FBN1: variants seen among roughly 807,000 people sequenced by gnomAD.
FBN1 encodes fibrillin 1, also known as fibrillin-1.
Under a neutral mutation model 365.1 loss-of-function variants are expected in FBN1, and 29 were observed. The observed-to-expected ratio is 0.08, with a 90% CI of 0.06 to 0.11. FBN1 has a LOEUF of 0.11. Among genes scored for constraint, FBN1 ranks in the 10% least tolerant of loss-of-function variants. FBN1 has a pLI of 1.00. For synonymous variants in FBN1, 1,210 were observed against 1,270.5 expected, an observed-to-expected ratio of 0.95 and a Z score of 1.01; for missense variants, 2,476 against 3,703.2, an observed-to-expected ratio of 0.67 and a Z score of 8.60.
chr15:48,644,815 G>C lies in FBN1; in HGVS notation c.-46C>G. ...TCCCGCCGCCTCTTGCCGCGCCCGG[G>C]GCTCGGTCTGCGGCCGCCGCTGCGC... On this transcript the variant is annotated 5_prime_UTR_variant, in exon 2 of 66. Coordinates refer to ENST00000316623, the MANE Select transcript of FBN1 (RefSeq NM_000138.5). 3 of 1,578,974 alleles carry C rather than the reference G, an allele frequency of 1.9e-6. No homozygotes were observed. Among genetic ancestry groups the C allele is most frequent in the Non-Finnish European group, 1.7e-6 (2 of 1,167,380 alleles).
intron 6 of FBN1, among the ~76,000 whole-genome samples, chr15:48,559,735 G>C (rs545033463): frequency 2.0e-5 from 3 of 152,188 alleles, no homozygotes; most frequent in Non-Finnish European, 4.4e-5. Flanking sequence ...GGTTGAAAGA[G>C]ATGATGGCAT....
intron 60 of FBN1, among the ~76,000 whole-genome samples, chr15:48,423,615 G>GA (rs1439978428): frequency 2.0e-5 from 3 of 152,130 alleles, no homozygotes; most frequent in Admixed American, 1.3e-4. Flanking sequence ...AACACATGAA[G>GA]AACAGCAGCA....
rs112223209 is a variant in FBN1 at position 48,503,991 on chromosome 15, ACC to A, written c.1961-54_1961-53del. 6 of 1,608,906 alleles carry A rather than the reference ACC, an allele frequency of 3.7e-6. No homozygotes were observed. In the African/African-American group the frequency reaches 5.3e-5, roughly 14 times the overall value. ...ACACTGTCACTTCAAACAGATGAGA[ACC>A]CCCCAAGTCAAAGTTGAAGAGGGCT... On this transcript the variant is annotated intron_variant, in intron 16 of 65. Coordinates refer to ENST00000316623, the MANE Select transcript of FBN1 (RefSeq NM_000138.5).
intron 22 of FBN1, 87 bp from the exon 23 acceptor site, chr15:48,494,341 A>G (rs2043585667): frequency 1.0e-6 from 1 of 975,450 alleles, no homozygotes; most frequent in South Asian, 1.3e-5. Context: ...TGTAAGAAAC[A>G]TGAAAGATGA....
intron 35 of FBN1, 92 bp downstream of exon 35, chr15:48,472,459 A>T (rs1030123587): frequency 3.4e-4 from 36 of 106,794 alleles, no homozygotes; most frequent in East Asian, 8.3e-4. Flanking sequence ...ACCTCAGTTT[A>T]AAAAAAAAAA....
At chr15:48,415,496 G>T in intron 64 of FBN1, 40 bp downstream of exon 64, 1 of 1,444,682 alleles carries the variant, frequency 6.9e-7, no homozygotes, top group South Asian at 1.1e-5. Context: ...TATTACGAAT[G>T]AAAGAATCTC....
chr15:48,539,549 TCA>T (rs1566922755), intron 6 of FBN1, among the ~76,000 whole-genome samples: 1 of 152,246 alleles, frequency 6.6e-6, no homozygotes, highest in African/African-American at 2.4e-5. Flanking sequence ...ACTCATGATT[TCA>T]CAGTTATGTC....
chr15:48,440,399 G>A (rs1040490536), intron 50 of FBN1, among the ~76,000 whole-genome samples: 64 of 152,108 alleles, frequency 4.2e-4, no homozygotes, highest in Admixed American at 1.9e-3. Context: ...CTGCCACATC[G>A]GCAGATTCAC....
intron 52 of FBN1, 76 bp from the exon 53 acceptor site, chr15:48,437,153 T>G: frequency 8.2e-7 from 1 of 1,214,104 alleles, no homozygotes; most frequent in East Asian, 2.3e-5. Flanking sequence ...CATTTCAGTG[T>G]TTAATCAAAA....
chr15:48,605,392 A>G (rs934846635), intron 4 of FBN1, among the ~76,000 whole-genome samples: 22 of 152,230 alleles, frequency 1.4e-4, no homozygotes, highest in Admixed American at 6.5e-4. Flanking sequence ...GGGAAAACTG[A>G]TAAGTTAGAC....
At chr15:48,502,642 T>C (rs2043670971) in intron 17 of FBN1, among the ~76,000 whole-genome samples, 1 of 152,230 alleles carries the variant, frequency 6.6e-6, no homozygotes, top group Non-Finnish European at 1.5e-5. Flanking sequence ...AACATTGTTT[T>C]AATTTCAGTA....
intron 6 of FBN1, 42 bp from the exon 7 acceptor site, chr15:48,537,850 C>T (rs2044027233): frequency 6.3e-7 from 1 of 1,594,202 alleles, no homozygotes; most frequent in Non-Finnish European, 8.6e-7. Context: ...TCCAGAAAAG[C>T]AGGAACCATC....
chr15:48,616,591 T>A (rs1597635320), intron 2 of FBN1, among the ~76,000 whole-genome samples: 2 of 152,230 alleles, frequency 1.3e-5, no homozygotes, highest in African/African-American at 2.4e-5. Context: ...GATTTAGTTA[T>A]AAGGTTTCAA....
chr15:48,596,664 G>C (rs2044518447), intron 5 of FBN1, among the ~76,000 whole-genome samples: 1 of 152,238 alleles, frequency 6.6e-6, no homozygotes, highest in Non-Finnish European at 1.5e-5. Flanking sequence ...GTTTCTAAGA[G>C]ATGTCACTGA....
chr15:48,511,095 C>T (rs1348862799), intron 13 of FBN1, among the ~76,000 whole-genome samples: 2 of 152,176 alleles, frequency 1.3e-5, no homozygotes. Context: ...GAGTTGAGGT[C>T]ACATTTGTCT....
intron 2 of FBN1, among the ~76,000 whole-genome samples, chr15:48,614,050 A>G (rs1188576345): frequency 6.6e-6 from 1 of 152,258 alleles, no homozygotes; most frequent in Admixed American, 6.5e-5. Flanking sequence ...AACTCCATTC[A>G]GAATCCAGAT....
intron 38 of FBN1, among the ~76,000 whole-genome samples, chr15:48,466,638 T>G (rs1310627924): frequency 2.0e-5 from 3 of 152,176 alleles, no homozygotes; most frequent in African/African-American, 4.8e-5. Context: ...CTCCCTGAAA[T>G]TATATGTACA....
At chr15:48,451,367 T>A (rs904211893) in intron 45 of FBN1, among the ~76,000 whole-genome samples, 2 of 152,232 alleles carry the variant, frequency 1.3e-5, no homozygotes, top group Non-Finnish European at 2.9e-5. Flanking sequence ...CTGCTTTTCC[T>A]GTCCTGTATT....
chr15:48,634,891 ACACACACAC>A, intron 2 of FBN1, among the ~76,000 whole-genome samples: 1 of 149,680 alleles, frequency 6.7e-6, no homozygotes, highest in East Asian at 2.0e-4. Context: ...ACACACACAC[ACACACACAC>A]ACAAAATGAA....
Sources: allele counts gnomAD v4.1 joint callset (sites outside exome capture counted in the v4.1 genomes callset), GRCh38; gene constraint gnomAD v4.1.1; transcripts MANE v1.5; gene names NCBI Gene and HGNC (gene_info 2026-07-23, HGNC 2026-07-21).